Variants in ACOX1 observed in about 807,000 individuals in gnomAD.
ACOX1 encodes the protein peroxisomal acyl-coenzyme A oxidase 1.
ACOX1 carries 41 observed loss-of-function variants against 75.5 expected under a neutral mutation model. The observed-to-expected ratio is 0.54, with a 90% CI of 0.42 to 0.70. The LOEUF is 0.70. Among genes scored for constraint, ACOX1 ranks in the 30% least tolerant of loss-of-function variants. The pLI, the probability that ACOX1 is intolerant of heterozygous loss-of-function variation, is 0.00. For synonymous variants in ACOX1, 303 were observed against 298.8 expected, an observed-to-expected ratio of 1.01 and a Z score of -0.15; for missense variants, 630 against 837.5, an observed-to-expected ratio of 0.75 and a Z score of 3.06.
At chr17:75,958,609 C>G (rs1009022396) in intron 3 of ACOX1, among the ~76,000 whole-genome samples, 6 of 151,688 alleles carry the variant, frequency 4.0e-5, no homozygotes, top group South Asian at 4.1e-4. Context: ...GAGATCGAGA[C>G]CATCCTGGTT....
Position 75,960,398 on chromosome 17 carries a change from G to C in ACOX1, c.270-23C>G. On this transcript the variant is annotated intron_variant, in intron 2 of 13. Coordinates refer to ENST00000293217, the MANE Select transcript of ACOX1 (RefSeq NM_004035.7). This position sits in a 1 kb window ranked among gnomAD's most constrained non-coding sequence, Gnocchi z 4.4. ...AAACTTCGAGGAAATATCAAGGATGGGCATTTGAGAGAAGAGTCATCAGGT... is the reference window on the plus strand; with the variant it reads ...AAACTTCGAGGAAATATCAAGGATGCGCATTTGAGAGAAGAGTCATCAGGT... 2 of 1,611,110 alleles carry C rather than the reference G, an allele frequency of 1.2e-6. No homozygotes were observed. Among genetic ancestry groups the C allele is most frequent in the Non-Finnish European group, 1.7e-6 (2 of 1,179,456 alleles).
intron 2 of ACOX1, among the ~76,000 whole-genome samples, chr17:75,968,218 CGAG>C (rs1412555065): frequency 6.8e-6 from 1 of 147,394 alleles, no homozygotes; most frequent in Non-Finnish European, 1.5e-5. Context: ...GGGCGGATCA[CGAG>C]GTCAGGAGAT....
chr17:75,955,685 C>T lies in ACOX1; in HGVS notation c.659-4G>A, dbSNP rs746563980. On this transcript the variant is annotated splice_region_variant and splice_polypyrimidine_tract_variant and intron_variant, in intron 5 of 13. Coordinates refer to ENST00000293217, the MANE Select transcript of ACOX1 (RefSeq NM_004035.7). ...CCGATGTCACCAACGGTAATTCCTA[C>T]CACAGATGAAAGGACAGTCACGAGA... The T allele has an allele frequency of 9.9e-6, 16 of 1,613,170 alleles. No homozygotes were observed. The highest frequency in any genetic ancestry group is 4.4e-5 in the South Asian group (4 of 91,076).
Position 75,951,506 on chromosome 17 carries a change from T to C in ACOX1, c.1016A>G (p.Tyr339Cys), listed in dbSNP as rs779102201. 3 of 1,614,024 alleles carry C rather than the reference T, an allele frequency of 1.9e-6. No individual in the cohort carries two copies. In the African/African-American group the frequency reaches 4.0e-5, roughly 22 times the overall value. Residue 339 changes from tyrosine (Y) to cysteine (C), a missense_variant, in exon 8 of 14, where the codon TAT becomes TGT. Physicochemically the swap from Tyr to Cys is radical, Grantham distance 194. Coordinates refer to ENST00000293217, the MANE Select transcript of ACOX1 (RefSeq NM_004035.7). Reference sequence around the variant, plus strand: ...GTATGCGCCCACAAACTGGAAGGCATAGGCAGTGGCCAGGAGTGGAAAGAG... The same window carrying C: ...GTATGCGCCCACAAACTGGAAGGCACAGGCAGTGGCCAGGAGTGGAAAGAG... ...YKLFPLLATA[Y>C]AFQFVGAYMK...
intron 3 of ACOX1, among the ~76,000 whole-genome samples, chr17:75,958,672 G>T (rs1271423078): frequency 2.0e-5 from 3 of 151,990 alleles, no homozygotes; most frequent in Admixed American, 1.3e-4. Context: ...GCTGGGCATG[G>T]TGGTGGGTGC....
chr17:75,958,354 A>C (rs1325307407), intron 3 of ACOX1, among the ~76,000 whole-genome samples: 1 of 141,506 alleles, frequency 7.1e-6, no homozygotes, highest in African/African-American at 2.6e-5. Context: ...CTCCATCTCA[A>C]AAAAAAAAAA....
Position 75,948,015 on chromosome 17 carries a change from G to A in ACOX1, c.1935+236C>T, listed in dbSNP as rs969271560. Among the ~76,000 whole-genome samples, 3 of 152,052 alleles carry A rather than the reference G, an allele frequency of 2.0e-5. No individual in the cohort carries two copies. In the East Asian group the frequency reaches 5.8e-4, roughly 29 times the overall value. ...TTACAGGTGTGAGCCAACGCACCCG[G>A]CCTGTATATATTTTTAAATGTTCAA... On this transcript the variant is annotated intron_variant, in intron 13 of 13. Transcript: ENST00000293217.
intron 7 of ACOX1, 23 bp from the exon 8 acceptor site, chr17:75,951,600 A>G: frequency 8.7e-6 from 14 of 1,613,098 alleles, no homozygotes; most frequent in Non-Finnish European, 1.1e-5. Context: ...GAAAAAGAAA[A>G]AAAGTAGTAA....
chr17:75,958,217 G>C (rs947768142), intron 3 of ACOX1, among the ~76,000 whole-genome samples: 8 of 150,398 alleles, frequency 5.3e-5, no homozygotes, highest in Non-Finnish European at 1.0e-4. Flanking sequence ...GCCAGGCATT[G>C]TGGCATGCGC....
At chr17:75,964,313 T>G (rs927563585) in intron 2 of ACOX1, among the ~76,000 whole-genome samples, 4 of 152,000 alleles carry the variant, frequency 2.6e-5, no homozygotes, top group Non-Finnish European at 4.4e-5. Context: ...GAAAATTCAA[T>G]GTGCACTTAG....
chr17:75,967,586 T>C (rs11652227), intron 2 of ACOX1, among the ~76,000 whole-genome samples: 26,016 of 145,862 alleles, frequency 0.18, 2,488 homozygotes, highest in South Asian at 0.2. Context: ...CAGAAAATAA[T>C]TTAAAAAATC....
Position 75,968,419 on chromosome 17 carries a change from G to A in ACOX1, c.270-8044C>T, listed in dbSNP as rs868608509. Reference sequence around the variant, plus strand: ...CCACTGCACTCCAGCCTGGGCGACAGAGCGAGACTCCGTCTCAAAAAAAAA... The same window carrying A: ...CCACTGCACTCCAGCCTGGGCGACAAAGCGAGACTCCGTCTCAAAAAAAAA... On this transcript the variant is annotated intron_variant, in intron 2 of 13. Coordinates refer to ENST00000293217, the MANE Select transcript of ACOX1 (RefSeq NM_004035.7). Among the ~76,000 whole-genome samples, 266 of 77,772 alleles carry A rather than the reference G, an allele frequency of 3.4e-3. 1 individual carries two copies. Among genetic ancestry groups the A allele is most frequent in the African/African-American group, 7.5e-3 (101 of 13,520 alleles). 51.0% of individuals were successfully genotyped at this position (77,772 alleles called of 152,430 possible).
rs373919594 is a variant in ACOX1 at position 75,950,408 on chromosome 17, C to A, written c.1298+366G>T. The stretch of plus-strand genomic sequence containing the variant: ...ATTACAGGCAATGTGCCATCATGCC[C>A]GGCTAATTTTTTTGTATTTTTTTAG... On this transcript the variant is annotated intron_variant, in intron 9 of 13. Transcript: ENST00000293217. The surrounding 1 kb of genome is among the most constrained non-coding windows in gnomAD (Gnocchi z 4.3). Among the ~76,000 whole-genome samples the A allele has an allele frequency of 1.3e-5, 2 of 152,024 alleles. No homozygotes were observed. Among genetic ancestry groups the A allele is most frequent in the African/African-American group, 4.8e-5 (2 of 41,366 alleles).
intron 2 of ACOX1, chr17:75,973,882 C>G: frequency 8.0e-7 from 1 of 1,255,168 alleles, no homozygotes; most frequent in South Asian, 1.3e-5. Flanking sequence ...AGGAGAAGGT[C>G]AGGAAAATGT....
At chr17:75,962,418 T>C (rs1338599241) in intron 2 of ACOX1, among the ~76,000 whole-genome samples, 1 of 152,226 alleles carries the variant, frequency 6.6e-6, no homozygotes, top group Non-Finnish European at 1.5e-5. Flanking sequence ...TCTATAGGCC[T>C]TTGCATTTTT....
rs768790086 is a variant in ACOX1, at chr17:75,955,867, C to T, written c.619G>A (p.Val207Ile). The part of the protein sequence containing the change: ...GKCYGLHAFI[V>I]PIREIGTHKP... ...TGGGTCCCGATTTCACGAATAGGTACGATAAAGGCATGTAATCCATAGCAT... is the reference window on the plus strand; with the variant it reads ...TGGGTCCCGATTTCACGAATAGGTATGATAAAGGCATGTAATCCATAGCAT... Residue 207 changes from valine (V) to isoleucine (I), a missense_variant, in exon 5 of 14, where the codon GTA becomes ATA. By Grantham distance (29) the Val-to-Ile change is conservative. Around this residue, in one of 2 missense-constraint regions of ACOX1, gnomAD observed 390 missense variants for 574.9 expected, o/e 0.68. Coordinates refer to ENST00000293217, the MANE Select transcript of ACOX1 (RefSeq NM_004035.7). 8.1e-6 allele frequency: 13 copies of T among 1,613,976 alleles called. No individual in the cohort carries two copies. Among genetic ancestry groups the T allele is most frequent in the East Asian group, 6.7e-5 (3 of 44,866 alleles).
chr17:75,947,068 C>T (rs2065727417), intron 13 of ACOX1, among the ~76,000 whole-genome samples: 1 of 151,860 alleles, frequency 6.6e-6, no homozygotes, highest in Admixed American at 6.6e-5. Context: ...TGGGGGTTTA[C>T]CATGTTGGCC....
Position 75,948,196 on chromosome 17 carries a change from G to C in ACOX1, c.1935+55C>G, listed in dbSNP as rs562853507. 259 of 1,576,844 alleles carry C rather than the reference G, an allele frequency of 1.6e-4. 1 individual carries two copies. The highest frequency in any genetic ancestry group is 1.2e-3 in the South Asian group (111 of 90,038). The stretch of plus-strand genomic sequence containing the variant: ...AAATCCCCTTCGAGAGGCCTTTCCT[G>C]CTTCAATATTTAAGTGAAGACTTTT... On this transcript the variant is annotated intron_variant, in intron 13 of 13. Coordinates refer to ENST00000293217, the MANE Select transcript of ACOX1 (RefSeq NM_004035.7).
At chr17:75,973,639 G>T (rs574370650) in intron 2 of ACOX1, 5 of 1,614,062 alleles carry the variant, frequency 3.1e-6, no homozygotes, top group Non-Finnish European at 3.4e-6. Context: ...GCCCATTTCC[G>T]TCTGGGCGTA....
Sources: gnomAD v4.1 joint callset for allele counts (sites outside exome capture counted in the v4.1 genomes callset) on GRCh38, gnomAD v4.1.1 for gene constraint, gnomAD v4.1.1 regional missense constraint, Gnocchi (gnomAD v3.1) non-coding constraint, MANE v1.5 for transcripts, NCBI Gene and HGNC (gene_info 2026-07-23, HGNC 2026-07-21) for gene names.